Variants in NBAS observed in about 807,000 individuals in gnomAD.
The protein encoded by NBAS is NAG/BC035112 fusion.
In NBAS, 219 loss-of-function variants were observed where a neutral mutation model predicts 302.5. That is an observed-to-expected ratio of 0.72 (90% CI 0.65 to 0.81). The LOEUF is 0.81. Among genes scored for constraint, NBAS ranks in the 30% least tolerant of loss-of-function variants. The pLI is 0.00. For synonymous variants in NBAS, 1,118 were observed against 1,021.6 expected, an observed-to-expected ratio of 1.09 and a Z score of -1.80; for missense variants, 2,932 against 2,841.6, an observed-to-expected ratio of 1.03 and a Z score of -0.72.
intron 40 of NBAS, among the ~76,000 whole-genome samples, chr2:15,297,564 G>T: frequency 6.6e-6 from 1 of 152,204 alleles, no homozygotes. Context: ...ACCATGGTAA[G>T]ATGTGCTGGC....
the NBAS span, among the ~76,000 whole-genome samples, chr2:15,111,036 T>C: frequency 3.3e-5 from 5 of 152,238 alleles, no homozygotes; most frequent in African/African-American, 1.2e-4. Context: ...TGGTACCCAA[T>C]ATAGTTAGGA....
the NBAS span, chr2:14,907,596 G>A: frequency 6.6e-6 from 1 of 152,260 alleles, no homozygotes; most frequent in Non-Finnish European, 1.5e-5. Context: ...TTCTAGGCAA[G>A]GCTTGAATGC....
chr2:15,503,025 T>G (rs1413668550), intron 11 of NBAS, among the ~76,000 whole-genome samples: 1 of 152,230 alleles, frequency 6.6e-6, no homozygotes, highest in Non-Finnish European at 1.5e-5. Context: ...TTTACACATT[T>G]TTGTTAAAAA....
intron 45 of NBAS, among the ~76,000 whole-genome samples, chr2:15,236,518 A>G (rs1225111777): frequency 9.2e-6 from 1 of 109,008 alleles, no homozygotes; most frequent in Non-Finnish European, 1.7e-5. Context: ...ACAGAGTGAG[A>G]CCCTGTCTCA....
chr2:15,252,296 C>T (rs556667474), intron 44 of NBAS, among the ~76,000 whole-genome samples: 184 of 152,140 alleles, frequency 1.2e-3, no homozygotes, highest in African/African-American at 4.4e-3. Flanking sequence ...GTTGGGAGCT[C>T]GAGACCAGCA....
the NBAS span, among the ~76,000 whole-genome samples, chr2:14,872,013 A>G: frequency 1.3e-5 from 2 of 152,216 alleles, no homozygotes; most frequent in African/African-American, 4.8e-5. Flanking sequence ...ACACACATGT[A>G]TAGATACTCA....
chr2:15,349,740 G>C (rs780559749), intron 35 of NBAS, among the ~76,000 whole-genome samples: 8 of 151,904 alleles, frequency 5.3e-5, no homozygotes, highest in Non-Finnish European at 1.2e-4. Flanking sequence ...GATCACTTGA[G>C]GCCAGGAGTT....
chr2:15,426,407 T>G (rs1307360559), intron 22 of NBAS, among the ~76,000 whole-genome samples: 2 of 152,226 alleles, frequency 1.3e-5, no homozygotes, highest in African/African-American at 4.8e-5. Context: ...TTATTTCTTA[T>G]AATTTCCTCC....
At chr2:14,976,468 G>A in the NBAS span, among the ~76,000 whole-genome samples, 1 of 152,172 alleles carries the variant, frequency 6.6e-6, no homozygotes, top group Non-Finnish European at 1.5e-5. Flanking sequence ...AGTAGATGGA[G>A]CTCATTGAAC....
At chr2:15,361,708 G>A (rs988447288) in intron 32 of NBAS, among the ~76,000 whole-genome samples, 5 of 152,230 alleles carry the variant, frequency 3.3e-5, no homozygotes, top group South Asian at 4.1e-4. Flanking sequence ...GCTGGGCACG[G>A]TGGCTCACGC....
chr2:14,817,912 T>C, the NBAS span, among the ~76,000 whole-genome samples: 5 of 152,274 alleles, frequency 3.3e-5, no homozygotes, highest in African/African-American at 1.2e-4. Flanking sequence ...CGGAGACTAA[T>C]TTCCTCACTA....
In NBAS at chr2:15,432,833, C is replaced by T. The variant is rs541969994; in HGVS notation, c.2340-5039G>A. Among the ~76,000 whole-genome samples, 4 of 152,266 alleles carry T rather than the reference C, an allele frequency of 2.6e-5. No individual in the cohort carries two copies. The South Asian group carries it at 8.3e-4, about 32-fold the overall frequency. ...ACCAATTAAAAAGCTAGTTATCACTCATAACACCAAGTCGAAAAAAAAGCT... is the reference window on the plus strand; with the variant it reads ...ACCAATTAAAAAGCTAGTTATCACTTATAACACCAAGTCGAAAAAAAAGCT... On this transcript the variant is annotated intron_variant, in intron 21 of 51. Transcript: ENST00000281513.
At chr2:15,072,506 A>G in the NBAS span, among the ~76,000 whole-genome samples, 1 of 152,034 alleles carries the variant, frequency 6.6e-6, no homozygotes, top group East Asian at 1.9e-4. Flanking sequence ...AAAAAATTTT[A>G]TCTAGTCAAA....
intron 44 of NBAS, among the ~76,000 whole-genome samples, chr2:15,262,436 A>C (rs1450980424): frequency 1.3e-5 from 2 of 152,166 alleles, no homozygotes; most frequent in African/African-American, 2.4e-5. Flanking sequence ...TGTGTCTAAA[A>C]ACACTCTAAA....
At chr2:15,445,049 T>G (rs1179899474) in intron 21 of NBAS, among the ~76,000 whole-genome samples, 1 of 151,486 alleles carries the variant, frequency 6.6e-6, no homozygotes, top group Non-Finnish European at 1.5e-5. Flanking sequence ...ACTTTTACAC[T>G]GTTGGTGGGA....
At chr2:15,479,338 T>C (rs566521400) in intron 12 of NBAS, among the ~76,000 whole-genome samples, 1 of 152,302 alleles carries the variant, frequency 6.6e-6, no homozygotes, top group East Asian at 1.9e-4. Flanking sequence ...ATAAGATACA[T>C]ATTATTGAAA....
chr2:15,160,718 G>A, the NBAS span, among the ~76,000 whole-genome samples: 1 of 152,206 alleles, frequency 6.6e-6, no homozygotes, highest in Non-Finnish European at 1.5e-5. Flanking sequence ...TTTCCAGGGA[G>A]AGTTTGCAAG....
chr2:15,212,816 T>C (rs1437858335), intron 48 of NBAS, among the ~76,000 whole-genome samples: 4 of 152,214 alleles, frequency 2.6e-5, no homozygotes, highest in Non-Finnish European at 5.9e-5. Flanking sequence ...CTTCCCCTTC[T>C]GCCATGATTA....
intron 11 of NBAS, among the ~76,000 whole-genome samples, chr2:15,491,706 A>G (rs1680863070): frequency 6.6e-6 from 1 of 152,172 alleles, no homozygotes; most frequent in South Asian, 2.1e-4. Flanking sequence ...ACTGCACTCC[A>G]GCCTGGGCGA....
Sources: gnomAD v4.1 joint callset for allele counts (sites outside exome capture counted in the v4.1 genomes callset) on GRCh38, gnomAD v4.1.1 for gene constraint, MANE v1.5 for transcripts, NCBI Gene and HGNC (gene_info 2026-07-23, HGNC 2026-07-21) for gene names.